SLC38A10: variants seen among roughly 807,000 people sequenced by gnomAD.
SLC38A10 encodes the protein solute carrier family 38 member 10, also known as Sodium-coupled neutral amino acid transporter 10.
In SLC38A10, 53 loss-of-function variants were observed where a neutral mutation model predicts 81.0. The ratio of observed to expected loss-of-function variants is 0.65; its 90% CI spans 0.53 to 0.82. The LOEUF (loss-of-function observed/expected upper bound fraction) is 0.82, where lower values mean the gene tolerates loss of function less well. Ranked by LOEUF, SLC38A10 falls within the 40% of genes least tolerant of loss-of-function variation. SLC38A10 has a pLI of 0.00. For synonymous variants in SLC38A10, 665 were observed against 655.3 expected (o/e 1.01, Z -0.23); for missense variants, 1,471 against 1,545.0 (o/e 0.95, Z 0.80).
At chr17:81,248,419 G>C (rs1222391520) in intron 14 of SLC38A10, among the ~76,000 whole-genome samples, 2 of 152,242 alleles carry the variant, frequency 1.3e-5, no homozygotes, top group African/African-American at 4.8e-5. Flanking sequence ...GGTGCCTGCA[G>C]CAAGGGCCAG....
At chr17:81,284,137 C>T (rs2063242014) in intron 3 of SLC38A10, among the ~76,000 whole-genome samples, 1 of 151,930 alleles carries the variant, frequency 6.6e-6, no homozygotes, top group South Asian at 2.1e-4. Flanking sequence ...GCAGGCGGAT[C>T]ACCTGAGATC....
chr17:81,248,678 G>A (rs534424982), intron 14 of SLC38A10, among the ~76,000 whole-genome samples: 31 of 152,376 alleles, frequency 2.0e-4, no homozygotes, highest in South Asian at 1.7e-3. Context: ...GGACGGCCCT[G>A]CATGCCAGGC....
intron 11 of SLC38A10, among the ~76,000 whole-genome samples, chr17:81,254,219 G>A (rs935540929): frequency 6.6e-6 from 1 of 152,210 alleles, no homozygotes; most frequent in Non-Finnish European, 1.5e-5. Flanking sequence ...AGCAGCAGAT[G>A]GGGCCTCACC....
Position 81,246,114 on chromosome 17 carries a change from G to A in SLC38A10, c.2802C>T (p.Asp934=). The change falls in exon 16 of 16, where the codon GAC becomes GAT. Residue 934 remains aspartate, a synonymous_variant. Transcript: ENST00000374759. ...PRMKPKQVSR[D]LGLAADLPGG... The stretch of plus-strand genomic sequence containing the variant: ...CGGGCAGGTCCGCTGCAAGGCCCAG[G>A]TCTCGGCTCACTTGCTTGGGCTTCA... The A allele has an allele frequency of 3.1e-6, 5 of 1,609,118 alleles. No homozygotes were observed. Among genetic ancestry groups the A allele is most frequent in the South Asian group, 2.2e-5 (2 of 91,024 alleles).
intron 8 of SLC38A10, among the ~76,000 whole-genome samples, chr17:81,273,767 G>A (rs2063137384): frequency 6.6e-6 from 1 of 152,194 alleles, no homozygotes; most frequent in Admixed American, 6.5e-5. Flanking sequence ...ACTGTCGTGA[G>A]ATGGTTAGCC....
chr17:81,272,837 G>A (rs150153695), intron 8 of SLC38A10, among the ~76,000 whole-genome samples: 6 of 152,310 alleles, frequency 3.9e-5, no homozygotes, highest in African/African-American at 1.2e-4. Context: ...AGGAAGGCAC[G>A]AGGGCTTCTC....
intron 14 of SLC38A10, among the ~76,000 whole-genome samples, chr17:81,249,798 C>T (rs958932848): frequency 4.6e-5 from 7 of 152,162 alleles, no homozygotes; most frequent in African/African-American, 7.2e-5. Flanking sequence ...TGCACTCAGA[C>T]GCTTGCAGAG....
At position 81,280,561 on chromosome 17, in the gene SLC38A10, G is replaced by C. The variant is rs200142611; in HGVS notation, c.626+48C>G. On this transcript the variant is annotated intron_variant, in intron 6 of 15. Transcript: ENST00000374759. ...AGAGGGTCCCGTCTCCCAGCAGCTC[G>C]CCCTCCCCGTCACAGAACTCCACCA... 1.9e-6 allele frequency: 3 copies of C among 1,602,898 alleles called. No individual in the cohort carries two copies. The Admixed American group carries it at 5.1e-5, about 27-fold the overall frequency.
chr17:81,261,884 C>A (rs1005726566), intron 10 of SLC38A10, among the ~76,000 whole-genome samples: 1 of 152,218 alleles, frequency 6.6e-6, no homozygotes, highest in Admixed American at 6.5e-5. Context: ...GTCTGATGTA[C>A]GTTCCGGAGG....
rs1567949981 is a variant in SLC38A10, at chr17:81,289,542, A to AT, written c.217+148dup. 3 of 594,362 alleles carry AT rather than the reference A, an allele frequency of 5.0e-6. No individual in the cohort carries two copies. The highest frequency in any genetic ancestry group is 3.3e-5 in the East Asian group (1 of 30,572). 36.8% of individuals were successfully genotyped at this position (594,362 alleles called of 1,614,324 possible). A position where few individuals can be genotyped will look rare whatever the true frequency, so the allele number is the denominator to read the frequency against. On this transcript the variant is annotated intron_variant, in intron 2 of 15. Coordinates refer to ENST00000374759, the MANE Select transcript of SLC38A10 (RefSeq NM_001037984.3). The surrounding 1 kb of genome is among the most constrained non-coding windows in gnomAD (Gnocchi z 5.9). ...AGGCACGTGCAACCACACCCGGCTCATTTTTTTGCAGCATTACATTTTAAA... is the reference window on the plus strand; with the variant it reads ...AGGCACGTGCAACCACACCCGGCTCATTTTTTTTGCAGCATTACATTTTAAA...
Position 81,252,326 on chromosome 17 carries a change from G to A in SLC38A10, c.1814C>T (p.Pro605Leu). 1 of 1,612,734 alleles carries A rather than the reference G, an allele frequency of 6.2e-7. No homozygotes were observed. Among genetic ancestry groups the A allele is most frequent in the Non-Finnish European group, 8.5e-7 (1 of 1,179,754 alleles). ...DLGPGDRGLH[P>L]RPQAVLSEQQ... ...CTCAGACAGCACTGCCTGGGGCCGAGGATGCAGGCCCCTGTCTCCTGGCCC... is the reference window on the plus strand; with the variant it reads ...CTCAGACAGCACTGCCTGGGGCCGAAGATGCAGGCCCCTGTCTCCTGGCCC... Residue 605 changes from proline (P) to leucine (L), a missense_variant, in exon 13 of 16, where the codon CCT (proline) becomes CTT (leucine). By Grantham distance (98) the Pro-to-Leu change is moderately conservative (BLOSUM62 -3). Around this residue, in one of 2 missense-constraint regions of SLC38A10, gnomAD observed 751 missense variants for 717.4 expected, o/e 1.05. Coordinates refer to ENST00000374759, the MANE Select transcript of SLC38A10 (RefSeq NM_001037984.3).
intron 11 of SLC38A10, 54 bp downstream of exon 11, chr17:81,260,184 G>C: frequency 6.5e-7 from 1 of 1,539,540 alleles, no homozygotes; most frequent in Non-Finnish European, 8.8e-7. Flanking sequence ...AGACCCAGGA[G>C]ACACCCAGTG....
chr17:81,258,204 C>T (rs1029765465), intron 11 of SLC38A10, among the ~76,000 whole-genome samples: 3 of 152,286 alleles, frequency 2.0e-5, no homozygotes, highest in Middle Eastern at 3.4e-3. Flanking sequence ...TCTGCAGCAT[C>T]AAAGAGACCA....
intron 10 of SLC38A10, among the ~76,000 whole-genome samples, chr17:81,268,412 T>C (rs898506544): frequency 1.3e-5 from 2 of 149,272 alleles, no homozygotes; most frequent in Non-Finnish European, 3.0e-5. Flanking sequence ...CTTTTTTTTC[T>C]TTTTTTTTTG....
At chr17:81,280,886 G>A (rs537577699) in intron 5 of SLC38A10, among the ~76,000 whole-genome samples, 153 bp from the exon 6 acceptor site, 136 of 120,526 alleles carry the variant, frequency 1.1e-3, no homozygotes, top group African/African-American at 3.2e-3. Flanking sequence ...GCCCTGTGCC[G>A]CCTTGTGCCG....
intron 10 of SLC38A10, among the ~76,000 whole-genome samples, chr17:81,269,352 A>G (rs1351014568): frequency 6.6e-6 from 1 of 152,060 alleles, no homozygotes; most frequent in East Asian, 1.9e-4. Context: ...GTCTCTACTA[A>G]AAGTACAAAA....
rs935411263 is a variant in SLC38A10 at position 81,277,866 on chromosome 17, G to A, written c.627-733C>T. Among the ~76,000 whole-genome samples, 4 of 152,240 alleles carry A rather than the reference G, an allele frequency of 2.6e-5. No individual in the cohort carries two copies. Among genetic ancestry groups the A allele is most frequent in the Non-Finnish European group, 5.9e-5 (4 of 68,038 alleles). ...TCTGTGTGCAGCCGGGGAGAAGGGA[G>A]TTGGGCCAGGCACACGCCAGAGCAC... On this transcript the variant is annotated intron_variant, in intron 6 of 15. Transcript: ENST00000374759. This position sits in a 1 kb window ranked among gnomAD's most constrained non-coding sequence, Gnocchi z 4.5.
chr17:81,272,020 C>T (rs2063120630), intron 9 of SLC38A10, among the ~76,000 whole-genome samples: 1 of 152,040 alleles, frequency 6.6e-6, no homozygotes, highest in African/African-American at 2.4e-5. Flanking sequence ...AGCCACTGCG[C>T]CCAGCAAGCT....
At chr17:81,261,218 TGCCACCCCGGCTCCC>T (rs916557053) in intron 10 of SLC38A10, among the ~76,000 whole-genome samples, 13 of 152,246 alleles carry the variant, frequency 8.5e-5, no homozygotes, top group Admixed American at 3.3e-4. Context: ...GCCCGGCTCC[TGCCACCCCGGCTCCC>T]GCCACCCCGG....
Sources: gnomAD v4.1 joint callset for allele counts (sites outside exome capture counted in the v4.1 genomes callset) on GRCh38, gnomAD v4.1.1 for gene constraint, gnomAD v4.1.1 regional missense constraint, Gnocchi (gnomAD v3.1) non-coding constraint, MANE v1.5 for transcripts, NCBI Gene and HGNC (gene_info 2026-07-23, HGNC 2026-07-21) for gene names.